Variants in CD5 observed in about 807,000 individuals in gnomAD.
CD5 encodes T-cell surface glycoprotein CD5.
Under a neutral mutation model 60.3 loss-of-function variants are expected in CD5, and 36 were observed. The ratio of observed to expected loss-of-function variants is 0.60; its 90% CI spans 0.46 to 0.79. The LOEUF is 0.79. CD5 is among the 30% of genes least tolerant of loss of function. The pLI, the probability that CD5 is intolerant of heterozygous loss-of-function variation, is 0.00. For synonymous variants in CD5, 230 were observed against 257.6 expected (o/e 0.89, Z 1.03); for missense variants, 540 against 630.6 (o/e 0.86, Z 1.54).
At chr11:61,123,827 G>GC in intron 7 of CD5, 57 bp from the exon 8 acceptor site, 2 of 348,514 alleles carry the variant, frequency 5.7e-6, no homozygotes, top group Non-Finnish European at 1.0e-5. Flanking sequence ...ACCCCTGCCT[G>GC]CCCCCACCCA....
Position 61,102,545 on chromosome 11 carries a change from G to C in CD5, c.-16G>C. ...TGCCCAGCTGCCCAGGCTGAGGCAA[G>C]AGAAGGCCAGAAACCATGCCCATGG... On this transcript the variant is annotated 5_prime_UTR_variant, in exon 1 of 11. Coordinates refer to ENST00000347785, the MANE Select transcript of CD5 (RefSeq NM_014207.4). 1 of 1,564,572 alleles carries C rather than the reference G, an allele frequency of 6.4e-7. No individual in the cohort carries two copies. Among genetic ancestry groups the C allele is most frequent in the Non-Finnish European group, 8.7e-7 (1 of 1,153,130 alleles).
chr11:61,111,517 G>C (rs11230597), intron 1 of CD5, among the ~76,000 whole-genome samples: 9 of 152,130 alleles, frequency 5.9e-5, no homozygotes, highest in Non-Finnish European at 1.3e-4. Flanking sequence ...ATGATGACTC[G>C]GGAAATAGAG....
chr11:61,123,594 T>A (rs1187800157), intron 7 of CD5, among the ~76,000 whole-genome samples: 1 of 152,192 alleles, frequency 6.6e-6, no homozygotes, highest in Non-Finnish European at 1.5e-5. Flanking sequence ...TCCTAGTGCC[T>A]GCCCAGGTCT....
Position 61,119,290 on chromosome 11 carries a change from G to A in CD5, c.520G>A (p.Val174Met), listed in dbSNP as rs1314304492. The change falls in exon 5 of 11, where the codon GTG becomes ATG. Residue 174 changes from valine to methionine, a missense_variant. Transcript: ENST00000347785. ...QSGGQHCAGV[V>M]EFYSGSLGGT... ...TGGCGGCCAGCACTGTGCCGGCGTG[G>A]TGGAGTTCTACAGCGGCAGCCTGGG... The A allele has an allele frequency of 6.2e-7, 1 of 1,613,642 alleles. No individual in the cohort carries two copies.
Position 61,127,293 on chromosome 11 carries a change from G to C in CD5, c.*1008G>C, listed in dbSNP as rs981621066. Reference sequence around the variant, plus strand: ...AAGAGGAGGTCTACCCAGGAGCCTCGGGTCTGATCAAGGGAGAGGCCAGGC... The same window carrying C: ...AAGAGGAGGTCTACCCAGGAGCCTCCGGTCTGATCAAGGGAGAGGCCAGGC... On this transcript the variant is annotated 3_prime_UTR_variant, in exon 11 of 11. Transcript: ENST00000347785. 1 of 151,620 alleles carries C rather than the reference G, an allele frequency of 6.6e-6. No individual in the cohort carries two copies. The highest frequency in any genetic ancestry group is 1.5e-5 in the Non-Finnish European group (1 of 68,014). The allele number at this position is 151,620 out of a possible 1,614,324, so 9.4% of individuals were successfully genotyped here. A position where few individuals can be genotyped will look rare whatever the true frequency, so the allele number is the denominator to read the frequency against.
chr11:61,115,985 A>C (rs1860936421), intron 2 of CD5, among the ~76,000 whole-genome samples: 2 of 152,164 alleles, frequency 1.3e-5, no homozygotes, highest in Non-Finnish European at 2.9e-5. Context: ...ACAGCCTGCA[A>C]ATCACCCCAC....
intron 1 of CD5, among the ~76,000 whole-genome samples, chr11:61,104,833 CAGCTGGTGCACAGCCG>C (rs1176929159): frequency 6.6e-6 from 1 of 152,262 alleles, no homozygotes; most frequent in African/African-American, 2.4e-5. Flanking sequence ...CAGGGTGCAG[CAGCTGGTGCACAGCCG>C]AGCTGACCCC....
intron 2 of CD5, among the ~76,000 whole-genome samples, chr11:61,117,907 G>A (rs1256149841): frequency 2.0e-5 from 3 of 152,232 alleles, no homozygotes; most frequent in African/African-American, 4.8e-5. Flanking sequence ...AGTGGGTGCC[G>A]AGAACACCTT....
chr11:61,119,322 C>T lies in CD5; in HGVS notation c.552C>T (p.Thr184=), dbSNP rs1861017412. ...VEFYSGSLGG[T]ISYEAQDKTQ... ...TCTACAGCGGCAGCCTGGGGGGTAC[C>T]ATCAGCTATGAGGCCCAGGACAAGA... Residue 184 remains threonine (T), a synonymous_variant, in exon 5 of 11, where the codon ACC becomes ACT. Coordinates refer to ENST00000347785, the MANE Select transcript of CD5 (RefSeq NM_014207.4). The T allele has an allele frequency of 6.2e-7, 1 of 1,613,910 alleles. No individual in the cohort carries two copies. The highest frequency in any genetic ancestry group is 1.3e-5 in the African/African-American group (1 of 74,908).
chr11:61,117,137 G>A (rs1391207073), intron 2 of CD5, among the ~76,000 whole-genome samples: 1 of 152,180 alleles, frequency 6.6e-6, no homozygotes, highest in Non-Finnish European at 1.5e-5. Context: ...ACTATCATTC[G>A]GCAATAAAAA....
chr11:61,105,807 A>G (rs1375258319), intron 1 of CD5, among the ~76,000 whole-genome samples: 4 of 152,188 alleles, frequency 2.6e-5, no homozygotes, highest in Admixed American at 2.6e-4. Flanking sequence ...AGCTAACAGG[A>G]GAGCTGTTAG....
intron 1 of CD5, among the ~76,000 whole-genome samples, chr11:61,105,471 C>T (rs955794642): frequency 2.0e-5 from 3 of 152,140 alleles, no homozygotes; most frequent in Admixed American, 6.5e-5. Context: ...TGAATCAATG[C>T]ACACAGAGCT....
At chr11:61,119,599 C>A in intron 5 of CD5, 24 bp downstream of exon 5, 5 of 1,548,944 alleles carry the variant, frequency 3.2e-6, no homozygotes, top group Non-Finnish European at 4.4e-6. Context: ...GGCCAAGCCC[C>A]ATGACACCTT....
rs1268214560 is a variant in CD5, at chr11:61,119,469, G to A, written c.699G>A (p.Leu233=). 6.2e-7 allele frequency: 1 copy of A among 1,614,184 alleles called. No homozygotes were observed. The highest frequency in any genetic ancestry group is 1.1e-5 in the South Asian group (1 of 91,088). The part of the protein sequence containing the change: ...DPGEPREHQP[L]PIQWKIQNSS... ...GGGAGCCACGGGAACACCAGCCCTT[G>A]CCAATCCAATGGAAGATCCAGAACT... The change falls in exon 5 of 11, where the codon TTG becomes TTA. Residue 233 remains leucine, a synonymous_variant. Transcript: ENST00000347785.
intron 1 of CD5, among the ~76,000 whole-genome samples, chr11:61,110,938 G>A (rs764860875): frequency 2.0e-5 from 3 of 152,190 alleles, no homozygotes; most frequent in Non-Finnish European, 4.4e-5. Context: ...AAGGAGAGGA[G>A]AGGAACTGCT....
rs1232111726 is a variant in CD5 at position 61,121,657 on chromosome 11, C to T, written c.852C>T (p.Ile284=). 3.2e-6 allele frequency: 5 copies of T among 1,558,596 alleles called. No homozygotes were observed. The highest frequency in any genetic ancestry group is 4.4e-6 in the Non-Finnish European group (5 of 1,146,924). The change falls in exon 6 of 11, where the codon ATC becomes ATT. Residue 284 remains isoleucine (I), a synonymous_variant. Transcript: ENST00000347785. ...GCCGTCTGGTGGGGGGCAGCAGCAT[C>T]TGTGAAGGCACCGTGGAGGTGCGCC... is the stretch of plus-strand genomic sequence containing the variant. The part of the protein sequence containing the change: ...VQSRLVGGSS[I]CEGTVEVRQG...
chr11:61,103,304 C>T lies in CD5; in HGVS notation c.55+689C>T, dbSNP rs535298960. On this transcript the variant is annotated intron_variant, in intron 1 of 10. Coordinates refer to ENST00000347785, the MANE Select transcript of CD5 (RefSeq NM_014207.4). ...CCCAAGCCTCTCCAGGCCTTGATCT[C>T]CCCATTTATGAAATGTGGGGGTTGG... Among the ~76,000 whole-genome samples the T allele has an allele frequency of 3.3e-5, 5 of 152,316 alleles. No individual in the cohort carries two copies. The East Asian group carries it at 9.7e-4, about 29-fold the overall frequency.
At position 61,118,945 on chromosome 11, in the gene CD5, G is replaced by A; in HGVS notation, c.431G>A (p.Arg144Lys). ...CAGAAGACAACACCTCCAACGACAA[G>A]GCCCCCGCCCACCACAACTCCAGAG... ...EPQKTTPPTT[R>K]PPPTTTPEPT... Residue 144 changes from arginine (R) to lysine (K), a missense_variant, in exon 4 of 11, where the codon AGG becomes AAG. Physicochemically the swap from Arg to Lys is conservative, Grantham distance 26 (BLOSUM62 2). Transcript: ENST00000347785. This position sits in a 1 kb window ranked among gnomAD's most constrained non-coding sequence, Gnocchi z 4.7. 6.2e-7 allele frequency: 1 copy of A among 1,613,776 alleles called. No individual in the cohort carries two copies. The highest frequency in any genetic ancestry group is 8.5e-7 in the Non-Finnish European group (1 of 1,179,876).
Position 61,122,935 on chromosome 11 carries a change from C to G in CD5, c.1128C>G (p.Ala376=). ...AGGATCCAAACCCCGCAGGCCTGGC[C>G]GCAGGCACGGTGGCAAGCATCATCC... ...TCQDPNPAGL[A]AGTVASIILA... The change falls in exon 7 of 11, where the codon GCC becomes GCG. Residue 376 remains alanine, a synonymous_variant. Coordinates refer to ENST00000347785, the MANE Select transcript of CD5 (RefSeq NM_014207.4). 1 of 1,614,022 alleles carries G rather than the reference C, an allele frequency of 6.2e-7. No homozygotes were observed. The highest frequency in any genetic ancestry group is 8.5e-7 in the Non-Finnish European group (1 of 1,179,908).
Sources: allele counts gnomAD v4.1 joint callset (sites outside exome capture counted in the v4.1 genomes callset), GRCh38; gene constraint gnomAD v4.1.1; non-coding constraint Gnocchi (gnomAD v3.1); transcripts MANE v1.5; gene names NCBI Gene and HGNC (gene_info 2026-07-23, HGNC 2026-07-21).